CHD1: variants seen among roughly 807,000 people sequenced by gnomAD.
CHD1 encodes the protein ATP-dependent chromatin remodeler CHD1.
CHD1 carries 36 observed loss-of-function variants against 224.2 expected under a neutral mutation model. The ratio of observed to expected loss-of-function variants is 0.16; its 90% confidence interval spans 0.12 to 0.21. The LOEUF (loss-of-function observed/expected upper bound fraction) is 0.21, where lower values mean the gene tolerates loss of function less well. CHD1 is among the 10% of genes least tolerant of loss of function. The pLI is 1.00. For synonymous variants in CHD1, 668 were observed against 658.3 expected (o/e 1.01, Z -0.23); for missense variants, 1,378 against 1,994.8 (o/e 0.69, Z 5.89).
At position 98,905,054 on chromosome 5, in the gene CHD1, C is replaced by T; in HGVS notation, c.98G>A (p.Gly33Asp). The change falls in exon 3 of 36, where the codon GGT (glycine) becomes GAT (aspartate). Residue 33 changes from glycine to aspartate, a missense_variant. Gly to Asp is a moderately conservative substitution (Grantham distance 94, BLOSUM62 -1). Coordinates refer to ENST00000614616, the MANE Select transcript of CHD1 (RefSeq NM_001270.4). ...ATCACTACTGCTTCCAGAACTCGAA[C>T]CAGATCCAGAGCCTGAAGCTGACCC... is the stretch of plus-strand genomic sequence containing the variant. ...DSGSASGSGS[G>D]SSSGSSSDGS... The T allele has an allele frequency of 2.5e-6, 4 of 1,595,142 alleles. No homozygotes were observed. Among genetic ancestry groups the T allele is most frequent in the Non-Finnish European group, 2.6e-6 (3 of 1,162,682 alleles).
Position 98,860,066 on chromosome 5 carries a change from T to C in CHD1, c.4430A>G (p.Asn1477Ser). 1 of 1,511,756 alleles carries C rather than the reference T, an allele frequency of 6.6e-7. No homozygotes were observed. The highest frequency in any genetic ancestry group is 9.1e-7 in the Non-Finnish European group (1 of 1,099,756). 93.6% of individuals were successfully genotyped at this position (1,511,756 alleles called of 1,614,324 possible). A position where few individuals can be genotyped will look rare whatever the true frequency, so the allele number is the denominator to read the frequency against. The change falls in exon 33 of 36, where the codon AAC (asparagine) becomes AGC (serine). Residue 1477 changes from asparagine to serine, a missense_variant and splice_region_variant. Physicochemically the swap from Asn to Ser is conservative, Grantham distance 46. Around this residue, in one of 16 missense-constraint regions of CHD1, gnomAD observed 278 missense variants for 298.5 expected, o/e 0.93. Transcript: ENST00000614616. The stretch of plus-strand genomic sequence containing the variant: ...AAACTTAGATACAAAAATCCACAGG[T>C]TTCTAGAAGAATTTAAAAAAAGGCA... ...NPEQIKQWRK[N>S]LWIFVSKFTE...
chr5:98,905,662 A>G (rs1752003186), intron 2 of CHD1, among the ~76,000 whole-genome samples: 1 of 152,234 alleles, frequency 6.6e-6, no homozygotes, highest in Non-Finnish European at 1.5e-5. Flanking sequence ...TTAAAAAATC[A>G]GTAACACTGC....
chr5:98,915,837 A>G (rs182254284), intron 2 of CHD1, among the ~76,000 whole-genome samples: 1 of 152,328 alleles, frequency 6.6e-6, no homozygotes, highest in East Asian at 1.9e-4. Context: ...TCAGTACTTT[A>G]ATATAAACTT....
chr5:98,885,729 T>C, intron 17 of CHD1, 80 bp from the exon 18 acceptor site: 1 of 861,534 alleles, frequency 1.2e-6, no homozygotes, highest in East Asian at 2.5e-5. Context: ...TAAAATTAAG[T>C]AGAAATGTGA....
At chr5:98,904,436 T>C (rs1019695175) in intron 3 of CHD1, among the ~76,000 whole-genome samples, 1 of 152,232 alleles carries the variant, frequency 6.6e-6, no homozygotes, top group Non-Finnish European at 1.5e-5. Flanking sequence ...CTTGTAGTTT[T>C]TTCCAAACAG....
intron 29 of CHD1, 40 bp downstream of exon 29, chr5:98,870,646 TA>T: frequency 8.3e-7 from 1 of 1,209,590 alleles, no homozygotes; most frequent in Non-Finnish European, 1.2e-6. Context: ...TTTACCTTAC[TA>T]AAAAGTAAAC....
intron 2 of CHD1, among the ~76,000 whole-genome samples, chr5:98,924,547 T>C (rs1407028406): frequency 6.6e-6 from 1 of 152,272 alleles, no homozygotes; most frequent in African/African-American, 2.4e-5. Flanking sequence ...GTATAACTCC[T>C]AGACCAATAC....
chr5:98,868,043 C>G (rs1483481764), intron 31 of CHD1, among the ~76,000 whole-genome samples: 1 of 151,860 alleles, frequency 6.6e-6, no homozygotes, highest in Non-Finnish European at 1.5e-5. Flanking sequence ...TCAGGTGATC[C>G]ACTGCCTCGG....
At chr5:98,857,114 GA>G (rs1340792102) in intron 35 of CHD1, among the ~76,000 whole-genome samples, 1 of 152,008 alleles carries the variant, frequency 6.6e-6, no homozygotes, top group Admixed American at 6.6e-5. Flanking sequence ...CTCTAAGCAG[GA>G]AAAAGTTTAA....
intron 28 of CHD1, among the ~76,000 whole-genome samples, chr5:98,871,769 T>C (rs527294517): frequency 6.6e-6 from 1 of 152,120 alleles, no homozygotes; most frequent in Non-Finnish European, 1.5e-5. Flanking sequence ...GCATCAAAAA[T>C]TTTTTTAAAG....
chr5:98,885,305 T>C (rs1034151345), intron 18 of CHD1, among the ~76,000 whole-genome samples: 14 of 152,206 alleles, frequency 9.2e-5, no homozygotes, highest in African/African-American at 3.4e-4. Flanking sequence ...GGCAGGAGAA[T>C]AGCTTGAACC....
chr5:98,901,861 G>C (rs1333589438), intron 5 of CHD1, among the ~76,000 whole-genome samples: 1 of 151,566 alleles, frequency 6.6e-6, no homozygotes, highest in East Asian at 1.9e-4. Context: ...TCAACATGTA[G>C]AGAAAAATAA....
At position 98,893,668 on chromosome 5, in the gene CHD1, T is replaced by A. The variant is rs113340393; in HGVS notation, c.1801-62A>T. Reference sequence around the variant, plus strand: ...ACGGAATTCAAATTTAGCCTTCCCATTTAATCTGAACTCAATTATTAAAAT... The same window carrying A: ...ACGGAATTCAAATTTAGCCTTCCCAATTAATCTGAACTCAATTATTAAAAT... On this transcript the variant is annotated intron_variant, in intron 13 of 35. Coordinates refer to ENST00000614616, the MANE Select transcript of CHD1 (RefSeq NM_001270.4). 415 of 1,019,814 alleles carry A rather than the reference T, an allele frequency of 4.1e-4. 1 individual carries two copies. In the African/African-American group the frequency reaches 5.6e-3, roughly 14 times the overall value. The allele number at this position is 1,019,814 out of a possible 1,614,324, so 63.2% of individuals were successfully genotyped here.
Position 98,856,856 on chromosome 5 carries a change from T to C in CHD1, c.4788-131A>G. 4.7e-6 allele frequency: 3 copies of C among 640,134 alleles called. 1 individual carries two copies. In the South Asian group the frequency reaches 6.7e-5, roughly 14 times the overall value. The allele number at this position is 640,134 out of a possible 1,614,324, so 39.7% of individuals were successfully genotyped here. On this transcript the variant is annotated intron_variant, in intron 35 of 35. Transcript: ENST00000614616. The stretch of plus-strand genomic sequence containing the variant: ...TGTATAGAAATTCAGTGTTGCATTA[T>C]AAAACTTACTTAATTAACTCAAAAA...
chr5:98,883,861 A>ATATATATATAT (rs1561507731), intron 18 of CHD1: 1 of 33,090 alleles, frequency 3.0e-5, no homozygotes, highest in African/African-American at 1.1e-4. Flanking sequence ...ATATATATAT[A>ATATATATATAT]TTTTTTTTTT....
At chr5:98,902,812 C>A in intron 5 of CHD1, 88 bp downstream of exon 5, 1 of 804,930 alleles carries the variant, frequency 1.2e-6, no homozygotes, top group Non-Finnish European at 2.0e-6. Context: ...GAAGAGTCTC[C>A]TTTTGGCAAC....
chr5:98,913,907 T>A (rs1027332187), intron 2 of CHD1, among the ~76,000 whole-genome samples: 3 of 152,254 alleles, frequency 2.0e-5, no homozygotes, highest in Middle Eastern at 3.4e-3. Context: ...ACTCATTTCT[T>A]ATGATGAGAG....
intron 2 of CHD1, among the ~76,000 whole-genome samples, chr5:98,917,645 G>A (rs1203939584): frequency 6.6e-6 from 1 of 152,148 alleles, no homozygotes; most frequent in African/African-American, 2.4e-5. Flanking sequence ...CGCTATTCTT[G>A]TGCCTTATGC....
At chr5:98,905,380 C>T (rs1751982784) in intron 2 of CHD1, among the ~76,000 whole-genome samples, 2 of 152,076 alleles carry the variant, frequency 1.3e-5, no homozygotes, top group African/African-American at 4.8e-5. Flanking sequence ...TAATCTTCTT[C>T]TAAGACAATA....
Sources: allele counts gnomAD v4.1 joint callset (sites outside exome capture counted in the v4.1 genomes callset), GRCh38; gene constraint gnomAD v4.1.1; regional missense constraint gnomAD v4.1.1; transcripts MANE v1.5; gene names NCBI Gene and HGNC (gene_info 2026-07-23, HGNC 2026-07-21).